The following ANGPT2 variants were observed in gnomAD, a reference collection of about 807,000 sequenced individuals.
ANGPT2 encodes angiopoietin-2.
ANGPT2 carries 28 observed loss-of-function variants against 62.9 expected under a neutral mutation model. That is an observed-to-expected ratio of 0.44 (90% CI 0.33 to 0.61). The LOEUF (loss-of-function observed/expected upper bound fraction) is 0.61. Among genes scored for constraint, ANGPT2 ranks in the 20% least tolerant of loss-of-function variants. The pLI is 0.03. For missense variants in ANGPT2, 727 were observed against 594.9 expected, an observed-to-expected ratio of 1.22 and a Z score of -2.31; for synonymous variants, 284 against 207.8, an observed-to-expected ratio of 1.37 and a Z score of -3.15.
At chr8:6,503,394 A>G (rs1812591463) in intron 8 of ANGPT2, 133 bp from the exon 9 acceptor site, 2 of 840,254 alleles carry the variant, frequency 2.4e-6, no homozygotes, top group East Asian at 2.6e-5. Flanking sequence ...GATGGTGAGT[A>G]TAGGATGTGC....
At chr8:6,520,505 C>G (rs1817113069) in intron 4 of ANGPT2, among the ~76,000 whole-genome samples, 1 of 152,144 alleles carries the variant, frequency 6.6e-6, no homozygotes, top group African/African-American at 2.4e-5. Context: ...AAGTGATTCT[C>G]CTACCTCAGC....
At chr8:6,529,746 T>C (rs577931220) in intron 2 of ANGPT2, among the ~76,000 whole-genome samples, 1 of 151,848 alleles carries the variant, frequency 6.6e-6, no homozygotes, top group African/African-American at 2.4e-5. Flanking sequence ...ATTATAGATC[T>C]GAGCAAGCGT....
intron 8 of ANGPT2, among the ~76,000 whole-genome samples, chr8:6,505,839 ATTC>A (rs1344702414): frequency 7.2e-6 from 1 of 139,614 alleles, no homozygotes; most frequent in Admixed American, 7.3e-5. Flanking sequence ...AAACATGCAT[ATTC>A]TTTATATATG....
chr8:6,552,981 C>G (rs944455086), intron 1 of ANGPT2, among the ~76,000 whole-genome samples: 1 of 152,140 alleles, frequency 6.6e-6, no homozygotes, highest in Non-Finnish European at 1.5e-5. Context: ...AGGTAGAGCA[C>G]AGAGGATTCT....
chr8:6,551,291 T>C lies in ANGPT2; in HGVS notation c.288+11356A>G, dbSNP rs540266648. Among the ~76,000 whole-genome samples the C allele has an allele frequency of 6.2e-4, 94 of 151,796 alleles. 1 individual carries two copies. Among genetic ancestry groups the C allele is most frequent in the Admixed American group, 4.8e-3 (73 of 15,236 alleles). On this transcript the variant is annotated intron_variant, in intron 1 of 8. Coordinates refer to ENST00000629816, the MANE Select transcript of ANGPT2 (RefSeq NM_001118887.2). ...TTTTAGTGGTAGCGGTATTTAGGGG[T>C]GAAGAAGGGGAAAGGAAGAATAGTG... is the stretch of plus-strand genomic sequence containing the variant.
chr8:6,517,529 A>G (rs1816494080), intron 5 of ANGPT2, among the ~76,000 whole-genome samples: 1 of 152,246 alleles, frequency 6.6e-6, no homozygotes, highest in Admixed American at 6.5e-5. Context: ...AGATGTGCTC[A>G]AAGACCAATT....
rs569582879 is a variant in ANGPT2 at position 6,562,210 on chromosome 8, G to A, written c.288+437C>T. Among the ~76,000 whole-genome samples the A allele has an allele frequency of 3.3e-5, 5 of 152,310 alleles. No individual in the cohort carries two copies. The East Asian group carries it at 9.6e-4, about 29-fold the overall frequency. On this transcript the variant is annotated intron_variant, in intron 1 of 8. Coordinates refer to ENST00000629816, the MANE Select transcript of ANGPT2 (RefSeq NM_001118887.2). ...TCCGTTATGCCTCGGTCATCAGCAT[G>A]GTTGTCACGGTCTCTCTGGCTCACG... is the stretch of plus-strand genomic sequence containing the variant.
rs373751891 is a variant in ANGPT2 at position 6,499,801 on chromosome 8, C to T, written c.*3300G>A. 2.0e-6 allele frequency: 3 copies of T among 1,534,656 alleles called. No homozygotes were observed. The highest frequency in any genetic ancestry group is 2.7e-6 in the Non-Finnish European group (3 of 1,109,918). On this transcript the variant is annotated 3_prime_UTR_variant, in exon 9 of 9. Coordinates refer to ENST00000629816, the MANE Select transcript of ANGPT2 (RefSeq NM_001118887.2). ...TTCAAAGTGATTCTTGGTTTATTGCCTGCTAAGGCTAATAAATGTATAATA... is the reference window on the plus strand; with the variant it reads ...TTCAAAGTGATTCTTGGTTTATTGCTTGCTAAGGCTAATAAATGTATAATA...
chr8:6,505,262 T>TAGAA (rs1563305275), intron 8 of ANGPT2, among the ~76,000 whole-genome samples: 2 of 23,436 alleles, frequency 8.5e-5, no homozygotes, highest in Non-Finnish European at 1.7e-4. Context: ...TATATATGTT[T>TAGAA]TATATATATG....
At chr8:6,520,618 A>T (rs1232462776) in intron 4 of ANGPT2, among the ~76,000 whole-genome samples, 1 of 151,874 alleles carries the variant, frequency 6.6e-6, no homozygotes, top group Non-Finnish European at 1.5e-5. Flanking sequence ...CTGGTCTCCA[A>T]CTCCTGTCCT....
At chr8:6,519,755 G>A in intron 5 of ANGPT2, 109 bp downstream of exon 5, 4 of 1,417,098 alleles carry the variant, frequency 2.8e-6, no homozygotes, top group Non-Finnish European at 3.9e-6. Flanking sequence ...TTTGTACTGT[G>A]TGAGGCTGGG....
chr8:6,557,308 C>G (rs1315235381), intron 1 of ANGPT2, among the ~76,000 whole-genome samples: 1 of 152,090 alleles, frequency 6.6e-6, no homozygotes, highest in Non-Finnish European at 1.5e-5. Flanking sequence ...AATATACAGG[C>G]TTGCATCCAC....
intron 5 of ANGPT2, among the ~76,000 whole-genome samples, chr8:6,519,495 A>G (rs1376549271): frequency 6.6e-6 from 1 of 152,224 alleles, no homozygotes; most frequent in African/African-American, 2.4e-5. Context: ...TCTATGGCTG[A>G]TGCACTATGG....
chr8:6,561,813 C>A (rs897590953), intron 1 of ANGPT2, among the ~76,000 whole-genome samples: 1 of 152,138 alleles, frequency 6.6e-6, no homozygotes, highest in African/African-American at 2.4e-5. Flanking sequence ...AAAAACAGAG[C>A]TTTCAATATC....
Position 6,558,229 on chromosome 8 carries a change from T to TA in ANGPT2, c.288+4417dup, listed in dbSNP as rs527554426. On this transcript the variant is annotated intron_variant, in intron 1 of 8. Coordinates refer to ENST00000629816, the MANE Select transcript of ANGPT2 (RefSeq NM_001118887.2). ...TTTGGCATTTTAAATAAAGGGCTGG[T>TA]AAAAAAATCTCTGAGTGCTAATCTC... Among the ~76,000 whole-genome samples the TA allele has an allele frequency of 2.0e-3, 312 of 152,264 alleles. 1 individual carries two copies. Among genetic ancestry groups the TA allele is most frequent in the African/African-American group, 7.0e-3 (290 of 41,554 alleles).
chr8:6,521,065 T>C (rs544673528), intron 4 of ANGPT2, 113 bp downstream of exon 4: 6 of 710,934 alleles, frequency 8.4e-6, no homozygotes, highest in Non-Finnish European at 1.4e-5. Flanking sequence ...ATATTTCATA[T>C]GAAATATATG....
chr8:6,530,424 G>A lies in ANGPT2; in HGVS notation c.444+1908C>T, dbSNP rs558576525. ...CGCGGGAGGCTAAGGCACGAGAATC[G>A]CTTGAACCCGGGAGGTGGAGGTTGC... On this transcript the variant is annotated intron_variant, in intron 2 of 8. Coordinates refer to ENST00000629816, the MANE Select transcript of ANGPT2 (RefSeq NM_001118887.2). Among the ~76,000 whole-genome samples, 6 of 149,652 alleles carry A rather than the reference G, an allele frequency of 4.0e-5. No homozygotes were observed. In the East Asian group the frequency reaches 5.9e-4, roughly 15 times the overall value.
intron 8 of ANGPT2, among the ~76,000 whole-genome samples, chr8:6,504,990 T>C (rs758732951): frequency 1.6e-4 from 24 of 151,788 alleles, no homozygotes; most frequent in Non-Finnish European, 3.2e-4. Context: ...ACATACAGTA[T>C]GATACTCCTT....
In ANGPT2 at chr8:6,508,573, C is replaced by G. The variant is rs969732517; in HGVS notation, c.1327+359G>C. ...ATAATCTATATTACTGTTGTGGTTG[C>G]TACTTGGAATTTTTAACTTTTTACA... On this transcript the variant is annotated intron_variant, in intron 8 of 8. Coordinates refer to ENST00000629816, the MANE Select transcript of ANGPT2 (RefSeq NM_001118887.2). 9.6e-6 allele frequency: 4 copies of G among 415,058 alleles called. No homozygotes were observed. In the Admixed American group the frequency reaches 1.3e-4, roughly 13 times the overall value. 25.7% of individuals were successfully genotyped at this position (415,058 alleles called of 1,614,324 possible).
Sources: gnomAD v4.1 joint callset for allele counts (sites outside exome capture counted in the v4.1 genomes callset) on GRCh38, gnomAD v4.1.1 for gene constraint, MANE v1.5 for transcripts, NCBI Gene and HGNC (gene_info 2026-07-23, HGNC 2026-07-21) for gene names.